Variants in TMC1 observed in about 807,000 individuals in gnomAD.
TMC1 encodes the protein transmembrane channel-like protein 1.
TMC1 carries 84 observed loss-of-function variants against 105.8 expected under a neutral mutation model. The ratio of observed to expected loss-of-function variants is 0.79; its 90% CI spans 0.67 to 0.95. The LOEUF (loss-of-function observed/expected upper bound fraction) is 0.95. Among genes scored for constraint, TMC1 ranks in the 40% least tolerant of loss-of-function variants. The pLI is 0.00. For missense variants in TMC1, 817 were observed against 914.1 expected (o/e 0.89, Z 1.37); for synonymous variants, 315 against 311.5 (o/e 1.01, Z -0.12).
intron 20 of TMC1, among the ~76,000 whole-genome samples, chr9:72,821,808 AAG>A (rs565459938): frequency 5.3e-5 from 8 of 151,390 alleles, no homozygotes; most frequent in African/African-American, 1.4e-4. Flanking sequence ...CTACCTTAAA[AAG>A]AGAGAGAGAG....
At chr9:72,565,036 C>A (rs1824122965) in intron 1 of TMC1, among the ~76,000 whole-genome samples, 1 of 152,148 alleles carries the variant, frequency 6.6e-6, no homozygotes, top group Non-Finnish European at 1.5e-5. Context: ...TGTTAACCAT[C>A]CCTGTACTGA....
intron 1 of TMC1, among the ~76,000 whole-genome samples, chr9:72,541,081 C>A (rs756673199): frequency 2.0e-5 from 3 of 152,098 alleles, no homozygotes; most frequent in Non-Finnish European, 2.9e-5. Flanking sequence ...TTTCCTTTTT[C>A]TCAATGCCAA....
intron 2 of TMC1, among the ~76,000 whole-genome samples, chr9:72,613,760 G>A (rs1451508839): frequency 6.6e-6 from 1 of 152,098 alleles, no homozygotes; most frequent in Admixed American, 6.6e-5. Context: ...GTGTGTGCGT[G>A]TTGTGGGAGG....
intron 1 of TMC1, among the ~76,000 whole-genome samples, chr9:72,542,584 C>T (rs931852605): frequency 8.6e-5 from 13 of 151,800 alleles, no homozygotes; most frequent in Non-Finnish European, 1.3e-4. Context: ...TGTGCCACTG[C>T]GCTCCAGCCT....
At position 72,723,030 on chromosome 9, in the gene TMC1, ACT is replaced by A. The variant is rs561361022; in HGVS notation, c.363-17086_363-17085del. Among the ~76,000 whole-genome samples, 677 of 152,204 alleles carry A rather than the reference ACT, an allele frequency of 4.4e-3. 4 individuals carry two copies. Among genetic ancestry groups the A allele is most frequent in the African/African-American group, 0.016 (652 of 41,530 alleles). ...TGAAAGCAGAGGTTAAAGTAAAATA[ACT>A]CTGTTATTTAATCTATAATCAACTA... On this transcript the variant is annotated intron_variant, in intron 8 of 23. Transcript: ENST00000297784.
chr9:72,759,755 A>G (rs773446018), intron 12 of TMC1, among the ~76,000 whole-genome samples: 20 of 152,170 alleles, frequency 1.3e-4, no homozygotes, highest in Admixed American at 2.0e-4. Flanking sequence ...CTTCCATCCT[A>G]TATCTTACCT....
chr9:72,720,576 GC>G (rs1425159283), intron 8 of TMC1, among the ~76,000 whole-genome samples: 2 of 152,206 alleles, frequency 1.3e-5, no homozygotes, highest in African/African-American at 4.8e-5. Flanking sequence ...ATAGGTACAA[GC>G]TCCATTGGAA....
At chr9:72,667,919 T>C (rs1181392098) in intron 5 of TMC1, among the ~76,000 whole-genome samples, 1 of 152,148 alleles carries the variant, frequency 6.6e-6, no homozygotes, top group Non-Finnish European at 1.5e-5. Flanking sequence ...CATTCAGCCT[T>C]CTCTCTTCAT....
At chr9:72,782,864 C>CA (rs1328732909) in intron 13 of TMC1, among the ~76,000 whole-genome samples, 3 of 151,994 alleles carry the variant, frequency 2.0e-5, no homozygotes, top group Non-Finnish European at 4.4e-5. Flanking sequence ...CCATATTACC[C>CA]AAAACACTTT....
intron 19 of TMC1, among the ~76,000 whole-genome samples, chr9:72,818,483 A>G (rs1399183327): frequency 2.0e-5 from 3 of 152,240 alleles, no homozygotes; most frequent in African/African-American, 7.2e-5. Context: ...GGCAGAGAAC[A>G]CACAGTGAGA....
rs1401042750 is a variant in TMC1 at position 72,765,629 on chromosome 9, C to A, written c.742-6784C>A. Among the ~76,000 whole-genome samples, 4 of 147,170 alleles carry A rather than the reference C, an allele frequency of 2.7e-5. No individual in the cohort carries two copies. In the South Asian group the frequency reaches 8.5e-4, roughly 31 times the overall value. On this transcript the variant is annotated intron_variant, in intron 12 of 23. Transcript: ENST00000297784. ...AGAAAGGAGGGCAGCAAGAGGTGAG[C>A]CTGTCATACTAAAAAAAAAAAAAAA...
intron 2 of TMC1, among the ~76,000 whole-genome samples, chr9:72,586,713 C>T (rs1824559226): frequency 6.6e-6 from 1 of 152,090 alleles, no homozygotes; most frequent in Non-Finnish European, 1.5e-5. Context: ...GAGTTCCTGC[C>T]ATGTCACTTG....
chr9:72,533,666 T>A (rs1245921050), intron 1 of TMC1, among the ~76,000 whole-genome samples: 1 of 152,146 alleles, frequency 6.6e-6, no homozygotes, highest in Non-Finnish European at 1.5e-5. Context: ...ATACAGGCAC[T>A]CTCATACAAT....
intron 1 of TMC1, among the ~76,000 whole-genome samples, chr9:72,543,422 C>A (rs759545580): frequency 2.4e-4 from 37 of 152,168 alleles, no homozygotes; most frequent in Non-Finnish European, 5.1e-4. Flanking sequence ...TCTTATTGGT[C>A]TTCATATTTT....
Position 72,555,040 on chromosome 9 carries a change from G to A in TMC1, c.-427-22862G>A, listed in dbSNP as rs572537241. On this transcript the variant is annotated intron_variant, in intron 1 of 23. Coordinates refer to ENST00000297784, the MANE Select transcript of TMC1 (RefSeq NM_138691.3). Reference sequence around the variant, plus strand: ...ATTACAGGCATGTGCCACCATGCCTGGCTAACTTTTGTATTTTCAGTAGAG... The same window carrying A: ...ATTACAGGCATGTGCCACCATGCCTAGCTAACTTTTGTATTTTCAGTAGAG... Among the ~76,000 whole-genome samples, 5 of 151,866 alleles carry A rather than the reference G, an allele frequency of 3.3e-5. No individual in the cohort carries two copies. The East Asian group carries it at 9.7e-4, about 29-fold the overall frequency.
rs1254722052 is a variant in TMC1, at chr9:72,701,832, G to T, written c.362+1189G>T. Among the ~76,000 whole-genome samples, 3 of 152,110 alleles carry T rather than the reference G, an allele frequency of 2.0e-5. No individual in the cohort carries two copies. In the South Asian group the frequency reaches 6.2e-4, roughly 31 times the overall value. On this transcript the variant is annotated intron_variant, in intron 8 of 23. Transcript: ENST00000297784. ...ATTTTTGTTTTGTTTTGTAGAGTAA[G>T]GTTTTCCAAGTTCTAAACAATGGTT...
intron 1 of TMC1, among the ~76,000 whole-genome samples, chr9:72,539,406 AAAAAC>A (rs543472205): frequency 2.0e-5 from 3 of 152,048 alleles, no homozygotes; most frequent in African/African-American, 7.2e-5. Flanking sequence ...ATCCTGTCTC[AAAAAC>A]AAAACAAAAC....
chr9:72,596,200 C>A (rs1824717074), intron 2 of TMC1, among the ~76,000 whole-genome samples: 1 of 152,224 alleles, frequency 6.6e-6, no homozygotes, highest in South Asian at 2.1e-4. Flanking sequence ...TAGCTTAAGA[C>A]AACAAAGATT....
At chr9:72,805,213 C>T (rs1588091800) in intron 17 of TMC1, 169 bp from the exon 18 acceptor site, 2 of 535,208 alleles carry the variant, frequency 3.7e-6, no homozygotes, top group Non-Finnish European at 6.4e-6. Flanking sequence ...GTAATAAAGT[C>T]AGGGTGAAAT....
Sources: allele counts gnomAD v4.1 joint callset (sites outside exome capture counted in the v4.1 genomes callset), GRCh38; gene constraint gnomAD v4.1.1; transcripts MANE v1.5; gene names NCBI Gene and HGNC (gene_info 2026-07-23, HGNC 2026-07-21).